The following AFG2A variants were observed in gnomAD, a reference collection of about 807,000 sequenced individuals.
The protein encoded by AFG2A is AAA ATPase AFG2A.
At chr4:123,166,371 G>T in the AFG2A span, among the ~76,000 whole-genome samples, 8 of 152,298 alleles carry the variant, frequency 5.3e-5, no homozygotes, top group East Asian at 1.3e-3. Flanking sequence ...TGGACTCCAA[G>T]TTCTTCAGCT....
At chr4:123,056,177 T>A in the AFG2A span, among the ~76,000 whole-genome samples, 1 of 152,220 alleles carries the variant, frequency 6.6e-6, no homozygotes, top group African/African-American at 2.4e-5. Flanking sequence ...GTCACAGCCT[T>A]TCCTTTGTAT....
At chr4:123,104,655 C>T in the AFG2A span, among the ~76,000 whole-genome samples, 30 of 152,294 alleles carry the variant, frequency 2.0e-4, no homozygotes, top group African/African-American at 6.7e-4. Context: ...TCAGTGAACA[C>T]ATGAATGATA....
the AFG2A span, among the ~76,000 whole-genome samples, chr4:123,173,339 G>GTTTTT: frequency 9.6e-6 from 1 of 104,460 alleles, no homozygotes; most frequent in African/African-American, 3.9e-5. Flanking sequence ...TAAGTCCAAT[G>GTTTTT]GTTTTTTTTT....
the AFG2A span, among the ~76,000 whole-genome samples, chr4:123,203,015 T>A: frequency 1.1e-5 from 1 of 92,994 alleles, no homozygotes; most frequent in Non-Finnish European, 2.8e-5. Flanking sequence ...AGAGCGAGAC[T>A]CCATCTCTTA....
At chr4:123,112,937 A>T in the AFG2A span, among the ~76,000 whole-genome samples, 4 of 152,230 alleles carry the variant, frequency 2.6e-5, no homozygotes, top group African/African-American at 9.6e-5. Flanking sequence ...TATACTTAAG[A>T]TGACCATTAG....
At chr4:123,177,844 A>G in the AFG2A span, among the ~76,000 whole-genome samples, 4 of 152,182 alleles carry the variant, frequency 2.6e-5, no homozygotes, top group African/African-American at 4.8e-5. Flanking sequence ...ATAGGGGACT[A>G]TGAAGATCAG....
chr4:122,939,570 A>G, the AFG2A span, among the ~76,000 whole-genome samples: 5 of 152,302 alleles, frequency 3.3e-5, no homozygotes, highest in South Asian at 1.0e-3. Context: ...TAGAACCACA[A>G]TAAATTTTAG....
chr4:123,279,860 A>G, the AFG2A span, among the ~76,000 whole-genome samples: 1 of 152,224 alleles, frequency 6.6e-6, no homozygotes, highest in Non-Finnish European at 1.5e-5. Context: ...TACATGAGTT[A>G]CTAGAAAGCA....
At chr4:123,105,830 A>T in the AFG2A span, among the ~76,000 whole-genome samples, 2 of 152,246 alleles carry the variant, frequency 1.3e-5, no homozygotes, top group Non-Finnish European at 2.9e-5. Context: ...TGAGCAAATA[A>T]AGTGATTTCT....
At chr4:122,929,112 G>A in the AFG2A span, 1 of 1,613,746 alleles carries the variant, frequency 6.2e-7, no homozygotes, top group East Asian at 2.2e-5. Flanking sequence ...ACAGAAAAAT[G>A]TGGGTGTGAG....
the AFG2A span, among the ~76,000 whole-genome samples, chr4:123,255,717 A>T: frequency 0.17 from 7,413 of 43,896 alleles, 1,258 homozygotes; most frequent in Middle Eastern, 0.21. Flanking sequence ...CTGCTTTTCT[A>T]TTTTTTTTTT....
At chr4:122,948,387 TAC>T in the AFG2A span, among the ~76,000 whole-genome samples, 30,482 of 129,148 alleles carry the variant, frequency 0.24, 3,404 homozygotes, top group East Asian at 0.41. Flanking sequence ...CTCCAGAGTA[TAC>T]ACACACACAC....
the AFG2A span, among the ~76,000 whole-genome samples, chr4:123,292,810 C>A: frequency 2.6e-4 from 39 of 152,132 alleles, no homozygotes; most frequent in Non-Finnish European, 4.0e-4. Context: ...TAATATTTTT[C>A]ACTGAGTTGA....
chr4:123,239,668 T>A, the AFG2A span, among the ~76,000 whole-genome samples: 1 of 151,940 alleles, frequency 6.6e-6, no homozygotes, highest in Non-Finnish European at 1.5e-5. Flanking sequence ...TTACAAGAGC[T>A]CCTGAAGGAA....
At chr4:123,003,851 A>T in the AFG2A span, among the ~76,000 whole-genome samples, 1 of 152,200 alleles carries the variant, frequency 6.6e-6, no homozygotes, top group South Asian at 2.1e-4. Context: ...TCAGACAGGG[A>T]CATTTAAGTC....
the AFG2A span, among the ~76,000 whole-genome samples, chr4:123,020,500 C>T: frequency 1.3e-5 from 2 of 151,610 alleles, no homozygotes; most frequent in South Asian, 4.2e-4. Context: ...TCCCGAGTAG[C>T]GGAGTTTCCA....
the AFG2A span, among the ~76,000 whole-genome samples, chr4:123,169,603 C>T: frequency 2.8e-4 from 42 of 152,278 alleles, no homozygotes; most frequent in Admixed American, 1.3e-3. Flanking sequence ...CTCAGCCTCC[C>T]AAGTAGCTGG....
At chr4:123,199,951 A>G in the AFG2A span, among the ~76,000 whole-genome samples, 4 of 152,354 alleles carry the variant, frequency 2.6e-5, no homozygotes, top group South Asian at 6.2e-4. Context: ...TTTTTCAGAT[A>G]TACATATGTA....
the AFG2A span, among the ~76,000 whole-genome samples, chr4:123,183,109 G>GATTC: frequency 6.6e-6 from 1 of 152,144 alleles, no homozygotes; most frequent in African/African-American, 2.4e-5. Flanking sequence ...AATTTCAGAA[G>GATTC]ATTCAGCCAG....
Sources: allele counts gnomAD v4.1 joint callset (sites outside exome capture counted in the v4.1 genomes callset), GRCh38; gene constraint gnomAD v4.1.1; transcripts MANE v1.5; gene names NCBI Gene and HGNC (gene_info 2026-07-23, HGNC 2026-07-21).